CADPS: variants seen among roughly 807,000 people sequenced by gnomAD.
CADPS encodes calcium-dependent secretion activator 1.
In CADPS, 57 loss-of-function variants were observed where a neutral mutation model predicts 167.3. The observed-to-expected ratio is 0.34, with a 90% CI of 0.28 to 0.42. The LOEUF is 0.42. Ranked by LOEUF, CADPS falls within the 20% of genes least tolerant of loss-of-function variation. CADPS has a pLI of 1.00. For synonymous variants in CADPS, 676 were observed against 635.3 expected (o/e 1.06, Z -0.96); for missense variants, 1,414 against 1,738.1 (o/e 0.81, Z 3.32).
intron 1 of CADPS, among the ~76,000 whole-genome samples, chr3:62,801,075 T>C (rs1389590772): frequency 6.6e-6 from 1 of 152,186 alleles, no homozygotes; most frequent in Non-Finnish European, 1.5e-5. Context: ...TGACTAACCT[T>C]GGACTGTGAA....
At chr3:62,678,525 A>G (rs2150974697) in intron 3 of CADPS, among the ~76,000 whole-genome samples, 1 of 152,146 alleles carries the variant, frequency 6.6e-6, no homozygotes, top group Admixed American at 6.5e-5. Flanking sequence ...GAGAAACCAC[A>G]CTTATCTTGT....
chr3:62,577,484 G>A lies in CADPS; in HGVS notation c.1578-6546C>T, dbSNP rs572944221. Among the ~76,000 whole-genome samples, 25 of 152,228 alleles carry A rather than the reference G, an allele frequency of 1.6e-4. 1 individual carries two copies. The South Asian group carries it at 2.3e-3, about 14-fold the overall frequency. On this transcript the variant is annotated intron_variant, in intron 8 of 29. Transcript: ENST00000383710. Reference sequence around the variant, plus strand: ...TTGTCCTCTTCTTGGGTGTCAAGGAGAAGATGGAGAGCAGGGAGACTCCAG... The same window carrying A: ...TTGTCCTCTTCTTGGGTGTCAAGGAAAAGATGGAGAGCAGGGAGACTCCAG...
At chr3:62,716,996 G>T (rs898998059) in intron 3 of CADPS, among the ~76,000 whole-genome samples, 11 of 151,968 alleles carry the variant, frequency 7.2e-5, no homozygotes, top group Non-Finnish European at 1.0e-4. Context: ...TTTAATTTTT[G>T]GTTATTTCAT....
chr3:62,748,919 C>A (rs2082112140), intron 3 of CADPS, among the ~76,000 whole-genome samples: 3 of 152,188 alleles, frequency 2.0e-5, no homozygotes, highest in South Asian at 4.2e-4. Context: ...GGTCTAAAAC[C>A]CTTGGACTCA....
At chr3:62,546,572 G>T (rs2152182587) in intron 11 of CADPS, among the ~76,000 whole-genome samples, 1 of 152,230 alleles carries the variant, frequency 6.6e-6, no homozygotes, top group East Asian at 1.9e-4. Context: ...TAACAATTAT[G>T]CAGTCAGCTC....
At chr3:62,780,277 G>A (rs1379234773) in intron 1 of CADPS, among the ~76,000 whole-genome samples, 1 of 152,124 alleles carries the variant, frequency 6.6e-6, no homozygotes, top group African/African-American at 2.4e-5. Context: ...AATTAGCCAG[G>A]CATAGTGGTG....
chr3:62,801,359 T>A (rs928945872), intron 1 of CADPS, among the ~76,000 whole-genome samples: 2 of 152,118 alleles, frequency 1.3e-5, no homozygotes, highest in African/African-American at 4.8e-5. Context: ...AATAAGCACA[T>A]AGAATTTATA....
At chr3:62,686,903 C>T (rs1043232229) in intron 3 of CADPS, among the ~76,000 whole-genome samples, 3 of 152,092 alleles carry the variant, frequency 2.0e-5, no homozygotes, top group African/African-American at 4.8e-5. Context: ...GAGAATTTGT[C>T]ATTATTACAT....
chr3:62,813,321 A>G (rs1450456673), intron 1 of CADPS, among the ~76,000 whole-genome samples: 1 of 152,092 alleles, frequency 6.6e-6, no homozygotes, highest in African/African-American at 2.4e-5. Flanking sequence ...CACACCTACA[A>G]GCATCTGATC....
At chr3:62,539,929 C>T (rs1393770484) in intron 11 of CADPS, among the ~76,000 whole-genome samples, 2 of 152,090 alleles carry the variant, frequency 1.3e-5, no homozygotes, top group Admixed American at 1.3e-4. Context: ...TTGCTTAATG[C>T]CTCTGGGCCT....
At chr3:62,616,414 G>A (rs997315376) in intron 6 of CADPS, among the ~76,000 whole-genome samples, 14 of 152,050 alleles carry the variant, frequency 9.2e-5, no homozygotes, top group African/African-American at 3.4e-4. Flanking sequence ...CCTGGGAAGT[G>A]AGAGAAAATG....
chr3:62,399,485 G>T lies in CADPS; in HGVS notation c.3983C>A (p.Thr1328Lys). 6.2e-7 allele frequency: 1 copy of T among 1,614,168 alleles called. No homozygotes were observed. ...TCCCCCACCTTCACTCACTGATGCT[G>T]TGGCTTCCTCCACAGTGAGACGGTT... ...IRNRLTVEEA[T>K]ASVSEGGGLQ... The change falls in exon 30 of 30, where the codon ACA (threonine) becomes AAA (lysine). Residue 1328 changes from threonine (T) to lysine (K), a missense_variant. Transcript: ENST00000383710. The surrounding 1 kb of genome is among the most constrained non-coding windows in gnomAD (Gnocchi z 5.6).
chr3:62,744,845 C>T (rs1404218808), intron 3 of CADPS, among the ~76,000 whole-genome samples: 2 of 152,120 alleles, frequency 1.3e-5, no homozygotes, highest in African/African-American at 2.4e-5. Flanking sequence ...TGCAGGATAC[C>T]CACTGTCTCT....
At chr3:62,807,343 C>G (rs969116089) in intron 1 of CADPS, among the ~76,000 whole-genome samples, 1 of 147,496 alleles carries the variant, frequency 6.8e-6, no homozygotes, top group East Asian at 2.0e-4. Context: ...CTCACTGCAA[C>G]CTCCGCCTCC....
chr3:62,399,945 G>A lies in CADPS; in HGVS notation c.3883-360C>T, dbSNP rs934965394. On this transcript the variant is annotated intron_variant, in intron 29 of 29. Transcript: ENST00000383710. The surrounding 1 kb of genome is among the most constrained non-coding windows in gnomAD (Gnocchi z 5.6). ...TAATGTAATATGATAGACACAGGAA[G>A]GGGCTATAATATATAAATAATGGAT... 6.6e-6 allele frequency among the ~76,000 whole-genome samples: 1 copy of A among 152,158 alleles called. No individual in the cohort carries two copies. Among genetic ancestry groups the A allele is most frequent in the Non-Finnish European group, 1.5e-5 (1 of 68,036 alleles).
chr3:62,779,918 A>C, intron 1 of CADPS: 1 of 172,138 alleles, frequency 5.8e-6, no homozygotes, highest in Non-Finnish European at 1.2e-5. Context: ...GTTATTTGGA[A>C]CTCTTTAAAA....
At chr3:62,473,374 G>A (rs776148930) in intron 24 of CADPS, among the ~76,000 whole-genome samples, 6 of 152,228 alleles carry the variant, frequency 3.9e-5, no homozygotes, top group Non-Finnish European at 5.9e-5. Flanking sequence ...ATATAATTTA[G>A]TAAAAATTCT....
intron 3 of CADPS, among the ~76,000 whole-genome samples, chr3:62,663,267 T>C (rs775493454): frequency 3.3e-5 from 5 of 152,138 alleles, no homozygotes; most frequent in African/African-American, 9.7e-5. Flanking sequence ...TATAAGTGAA[T>C]GTAAGGGCTG....
At chr3:62,417,256 A>G (rs1353232300) in intron 28 of CADPS, among the ~76,000 whole-genome samples, 1 of 149,374 alleles carries the variant, frequency 6.7e-6, no homozygotes, top group East Asian at 2.0e-4. Flanking sequence ...ACTTAACACA[A>G]TAACTATTTT....
Sources: allele counts gnomAD v4.1 joint callset (sites outside exome capture counted in the v4.1 genomes callset), GRCh38; gene constraint gnomAD v4.1.1; non-coding constraint Gnocchi (gnomAD v3.1); transcripts MANE v1.5; gene names NCBI Gene and HGNC (gene_info 2026-07-23, HGNC 2026-07-21).